The following ANKS1B variants were observed in gnomAD, a reference collection of about 807,000 sequenced individuals.
ANKS1B encodes ankyrin repeat and sterile alpha motif domain-containing protein 1B.
A neutral mutation model predicts 148.3 loss-of-function variants in ANKS1B; 36 were observed. That is an observed-to-expected ratio of 0.24 (90% CI 0.19 to 0.32). The LOEUF (loss-of-function observed/expected upper bound fraction) is 0.32, where lower values mean the gene tolerates loss of function less well. ANKS1B is among the 10% of genes least tolerant of loss of function. The probability of loss-of-function intolerance (pLI) is 1.00; values close to 1 mark genes in which losing one functional copy is unlikely to be tolerated. For missense variants in ANKS1B, 1,157 were observed against 1,542.6 expected, an observed-to-expected ratio of 0.75 and a Z score of 4.19; for synonymous variants, 542 against 560.8, an observed-to-expected ratio of 0.97 and a Z score of 0.47.
At chr12:99,733,977 C>T (rs1420120060) in intron 8 of ANKS1B, among the ~76,000 whole-genome samples, 1 of 152,146 alleles carries the variant, frequency 6.6e-6, no homozygotes, top group Non-Finnish European at 1.5e-5. Flanking sequence ...CAAAATTGTG[C>T]TTATTCATGT....
chr12:99,855,724 C>A (rs2088909037), intron 1 of ANKS1B, among the ~76,000 whole-genome samples: 1 of 152,004 alleles, frequency 6.6e-6, no homozygotes, highest in Non-Finnish European at 1.5e-5. Context: ...TCTCAAACCA[C>A]AGTGAAATAA....
chr12:98,909,689 T>A (rs923092691), intron 17 of ANKS1B, among the ~76,000 whole-genome samples: 1 of 152,314 alleles, frequency 6.6e-6, no homozygotes, highest in South Asian at 2.1e-4. Flanking sequence ...ATCCCTTAGA[T>A]AACTGTAGGG....
At chr12:99,710,256 T>A (rs1248754360) in intron 8 of ANKS1B, among the ~76,000 whole-genome samples, 3 of 152,164 alleles carry the variant, frequency 2.0e-5, no homozygotes, top group Non-Finnish European at 4.4e-5. Context: ...TTAATCTTTG[T>A]CAATAATGGG....
chr12:99,919,684 A>G (rs929599279), intron 1 of ANKS1B, among the ~76,000 whole-genome samples: 4 of 151,870 alleles, frequency 2.6e-5, no homozygotes, highest in Non-Finnish European at 4.4e-5. Flanking sequence ...CCACTGCTAT[A>G]ATTTTGCACT....
intron 22 of ANKS1B, among the ~76,000 whole-genome samples, chr12:98,794,321 G>A (rs577240460): frequency 1.3e-5 from 2 of 149,522 alleles, no homozygotes; most frequent in East Asian, 3.9e-4. Context: ...GAACCCAGGA[G>A]GTGGAGGTTG....
chr12:99,730,092 T>A (rs1226164486), intron 8 of ANKS1B, among the ~76,000 whole-genome samples: 2 of 152,232 alleles, frequency 1.3e-5, no homozygotes, highest in Non-Finnish European at 2.9e-5. Flanking sequence ...CGTCCAACTG[T>A]TAAGCTATAC....
intron 9 of ANKS1B, among the ~76,000 whole-genome samples, chr12:99,615,980 T>C (rs1046361450): frequency 6.6e-6 from 1 of 152,102 alleles, no homozygotes; most frequent in Non-Finnish European, 1.5e-5. Context: ...ATCACAAGCA[T>C]TCCTATACAC....
intron 8 of ANKS1B, among the ~76,000 whole-genome samples, chr12:99,717,614 C>T (rs1471632549): frequency 6.6e-6 from 1 of 152,198 alleles, no homozygotes; most frequent in Non-Finnish European, 1.5e-5. Context: ...TGGCCCAAGG[C>T]TCTCTGACTG....
chr12:99,223,607 CGGT>C (rs1245109531), intron 14 of ANKS1B, among the ~76,000 whole-genome samples: 1 of 151,946 alleles, frequency 6.6e-6, no homozygotes, highest in Non-Finnish European at 1.5e-5. Context: ...TGCAGATCTC[CGGT>C]GGTAATGCTC....
intron 11 of ANKS1B, among the ~76,000 whole-genome samples, chr12:99,409,365 T>C (rs574400988): frequency 2.6e-5 from 4 of 152,156 alleles, no homozygotes; most frequent in African/African-American, 9.6e-5. Flanking sequence ...AATGGTAATT[T>C]GGGTGGTGGG....
chr12:99,195,389 G>C (rs1379939972), intron 14 of ANKS1B, among the ~76,000 whole-genome samples: 1 of 152,080 alleles, frequency 6.6e-6, no homozygotes, highest in Non-Finnish European at 1.5e-5. Context: ...AGTGTCAAAT[G>C]TTGATTTGGT....
At chr12:99,074,691 A>C (rs2047288789) in intron 16 of ANKS1B, among the ~76,000 whole-genome samples, 1 of 152,210 alleles carries the variant, frequency 6.6e-6, no homozygotes, top group Admixed American at 6.5e-5. Context: ...TCATGCTTAC[A>C]TGAAGGACAT....
intron 1 of ANKS1B, among the ~76,000 whole-genome samples, chr12:99,833,120 C>A (rs1221240672): frequency 6.6e-6 from 1 of 152,082 alleles, no homozygotes; most frequent in Non-Finnish European, 1.5e-5. Context: ...TGTGAATAGT[C>A]TGAATGTTGA....
chr12:99,868,997 T>C (rs1014425514), intron 1 of ANKS1B, among the ~76,000 whole-genome samples: 9 of 152,036 alleles, frequency 5.9e-5, no homozygotes, highest in Non-Finnish European at 1.3e-4. Context: ...GCAGAGGTTG[T>C]AGCGAGTGGA....
chr12:99,855,366 T>C (rs113768178), intron 1 of ANKS1B, among the ~76,000 whole-genome samples: 221 of 152,120 alleles, frequency 1.5e-3, no homozygotes, highest in African/African-American at 5.1e-3. Flanking sequence ...AACATCACAA[T>C]CCTAAATATA....
At chr12:99,821,674 A>T (rs1234875787) in intron 2 of ANKS1B, among the ~76,000 whole-genome samples, 4 of 152,070 alleles carry the variant, frequency 2.6e-5, no homozygotes, top group African/African-American at 9.7e-5. Context: ...CAAGAAAAGT[A>T]GTATGCCTCA....
chr12:99,365,487 AGAGTTCT>A (rs1477896176), intron 12 of ANKS1B, among the ~76,000 whole-genome samples: 1 of 152,184 alleles, frequency 6.6e-6, no homozygotes, highest in Non-Finnish European at 1.5e-5. Context: ...TGTGAGCCCC[AGAGTTCT>A]TACAGGTCAG....
At chr12:99,782,164 A>T (rs372132035) in intron 4 of ANKS1B, 67 bp from the exon 5 acceptor site, 1 of 1,275,282 alleles carries the variant, frequency 7.8e-7, no homozygotes, top group Non-Finnish European at 1.1e-6. Context: ...GTTGAAATAA[A>T]ATGCTCACAT....
chr12:98,821,672 G>A (rs536451326), intron 19 of ANKS1B, among the ~76,000 whole-genome samples: 21 of 152,200 alleles, frequency 1.4e-4, no homozygotes, highest in African/African-American at 4.3e-4. Context: ...GCAGTGGTGC[G>A]ATCTTGCTCA....
Sources: gnomAD v4.1 joint callset for allele counts (sites outside exome capture counted in the v4.1 genomes callset) on GRCh38, gnomAD v4.1.1 for gene constraint, MANE v1.5 for transcripts, NCBI Gene and HGNC (gene_info 2026-07-23, HGNC 2026-07-21) for gene names.